Variants in MARCHF1 observed in about 807,000 individuals in gnomAD.
MARCHF1 encodes membrane associated ring-CH-type finger 1, also known as E3 ubiquitin-protein ligase MARCHF1.
In MARCHF1, 40 loss-of-function variants were observed where a neutral mutation model predicts 54.2. The observed-to-expected ratio is 0.74, with a 90% CI of 0.57 to 0.96. The LOEUF is 0.96. Ranked by LOEUF, MARCHF1 falls within the 40% of genes least tolerant of loss-of-function variation. MARCHF1 has a pLI of 0.00. For synonymous variants in MARCHF1, 236 were observed against 236.3 expected (o/e 1.00, Z 0.01); for missense variants, 586 against 656.5 (o/e 0.89, Z 1.17).
chr4:164,132,991 A>G (rs1756332723), intron 1 of MARCHF1, among the ~76,000 whole-genome samples: 1 of 152,162 alleles, frequency 6.6e-6, no homozygotes, highest in Non-Finnish European at 1.5e-5. Flanking sequence ...GTGAGATTCC[A>G]TTAGTCTTTA....
Position 164,075,221 on chromosome 4 carries a change from T to C in MARCHF1, c.-248+36367A>G, listed in dbSNP as rs191886834. On this transcript the variant is annotated intron_variant, in intron 2 of 9. Transcript: ENST00000514618. The stretch of plus-strand genomic sequence containing the variant: ...GAACTGACAAGATAGTAAGAAATTA[T>C]TGAGCTTCATTTAATTGGAAAAATA... 8.9e-4 allele frequency among the ~76,000 whole-genome samples: 135 copies of C among 152,348 alleles called. 3 individuals carry two copies. The highest frequency in any genetic ancestry group is 6.5e-4 in the Non-Finnish European group (44 of 68,024).
At chr4:164,267,716 AT>A (rs1733644699) in intron 1 of MARCHF1, among the ~76,000 whole-genome samples, 1 of 152,212 alleles carries the variant, frequency 6.6e-6, no homozygotes, top group South Asian at 2.1e-4. Flanking sequence ...TGATTTTGAG[AT>A]TCTCACATAA....
At chr4:163,748,862 A>G (rs1746436132) in intron 4 of MARCHF1, among the ~76,000 whole-genome samples, 1 of 152,232 alleles carries the variant, frequency 6.6e-6, no homozygotes, top group Non-Finnish European at 1.5e-5. Context: ...AGACTAAAAT[A>G]ACAAATACAT....
Position 163,613,026 on chromosome 4 carries a change from C to A in MARCHF1, c.255G>T (p.Leu85Phe). The stretch of plus-strand genomic sequence containing the variant: ...CAAATGACTCTTCTGACATGTCATG[C>A]AAGATGGCAGATCTAGACAGAGCAG... Reference protein sequence around the residue: ...STQDICRSAILHDMSEESFEY... With the variant: ...STQDICRSAIFHDMSEESFEY... The change falls in exon 7 of 10, where the codon TTG (leucine) becomes TTT (phenylalanine). Residue 85 changes from leucine (L) to phenylalanine (F), a missense_variant. Leu to Phe is a conservative substitution (Grantham distance 22). This residue lies in a region of MARCHF1 where 387 missense variants were observed against 394.6 expected (regional missense o/e 0.98). Coordinates refer to ENST00000514618, the MANE Select transcript of MARCHF1 (RefSeq NM_001394959.1). 6.7e-7 allele frequency: 1 copy of A among 1,503,096 alleles called. No homozygotes were observed. The allele number at this position is 1,503,096 out of a possible 1,614,324, so 93.1% of individuals were successfully genotyped here.
chr4:164,250,057 T>C (rs1033414001), intron 1 of MARCHF1, among the ~76,000 whole-genome samples: 13 of 152,032 alleles, frequency 8.6e-5, no homozygotes, highest in African/African-American at 3.1e-4. Flanking sequence ...GCACAGATAG[T>C]AGCAGGTCTA....
intron 4 of MARCHF1, among the ~76,000 whole-genome samples, chr4:163,813,202 GT>G (rs942402029): frequency 6.6e-6 from 1 of 152,190 alleles, no homozygotes; most frequent in African/African-American, 2.4e-5. Flanking sequence ...AAGAACCAGA[GT>G]GGAAAATAAC....
chr4:164,126,782 C>CGCAGT (rs1034318372), intron 1 of MARCHF1, among the ~76,000 whole-genome samples: 4 of 152,130 alleles, frequency 2.6e-5, no homozygotes, highest in African/African-American at 4.8e-5. Context: ...ATGAGGACTG[C>CGCAGT]GCAGTGGCTC....
At chr4:164,267,685 G>A (rs1733643964) in intron 1 of MARCHF1, among the ~76,000 whole-genome samples, 2 of 152,250 alleles carry the variant, frequency 1.3e-5, no homozygotes, top group African/African-American at 2.4e-5. Context: ...AACAAAGCCA[G>A]GGTCATACAA....
intron 3 of MARCHF1, among the ~76,000 whole-genome samples, chr4:163,916,560 C>T (rs957468065): frequency 1.4e-5 from 2 of 143,318 alleles, no homozygotes; most frequent in African/African-American, 5.5e-5. Flanking sequence ...CTGGTGATCT[C>T]GTGAGTCACT....
chr4:164,016,782 G>T (rs2110957016), intron 2 of MARCHF1, among the ~76,000 whole-genome samples: 1 of 152,080 alleles, frequency 6.6e-6, no homozygotes, highest in South Asian at 2.1e-4. Context: ...ATAATTTATT[G>T]TATATTTCAA....
At chr4:164,338,930 C>T (rs1207875518) in intron 1 of MARCHF1, among the ~76,000 whole-genome samples, 1 of 151,966 alleles carries the variant, frequency 6.6e-6, no homozygotes, top group Non-Finnish European at 1.5e-5. Flanking sequence ...CAAGATCGCA[C>T]CATTGCACTA....
intron 2 of MARCHF1, among the ~76,000 whole-genome samples, chr4:164,071,847 C>A (rs1444528031): frequency 6.6e-6 from 1 of 152,152 alleles, no homozygotes; most frequent in East Asian, 1.9e-4. Flanking sequence ...CACCATGGCA[C>A]ATATATGAAA....
chr4:163,582,254 T>C lies in MARCHF1; in HGVS notation c.1191+3495A>G, dbSNP rs534424098. Among the ~76,000 whole-genome samples, 9 of 152,328 alleles carry C rather than the reference T, an allele frequency of 5.9e-5. No individual in the cohort carries two copies. The South Asian group carries it at 1.9e-3, about 32-fold the overall frequency. On this transcript the variant is annotated intron_variant, in intron 8 of 9. Transcript: ENST00000514618. ...CCTCAGAATTATTTCTGACCTTGGT[T>C]AACTTAGCAGATTAATGAGACTTTT...
chr4:164,285,624 A>G (rs1734126059), intron 1 of MARCHF1, among the ~76,000 whole-genome samples: 1 of 151,658 alleles, frequency 6.6e-6, no homozygotes, highest in African/African-American at 2.4e-5. Context: ...TTGTATTTTT[A>G]GTAGAGACGG....
chr4:163,776,354 TTCTCTC>T (rs1020255122), intron 4 of MARCHF1, among the ~76,000 whole-genome samples: 4 of 151,158 alleles, frequency 2.6e-5, no homozygotes, highest in Non-Finnish European at 5.9e-5. Context: ...CTCTGTCTCT[TTCTCTC>T]TATATATAAT....
chr4:163,740,523 G>C (rs1746165715), intron 4 of MARCHF1, among the ~76,000 whole-genome samples: 1 of 152,174 alleles, frequency 6.6e-6, no homozygotes, highest in Admixed American at 6.5e-5. Context: ...TACAGGGCCA[G>C]GTGATGTCTA....
rs1055105923 is a variant in MARCHF1, at chr4:163,578,675, G to T, written c.1191+7074C>A. Among the ~76,000 whole-genome samples the T allele has an allele frequency of 9.9e-5, 15 of 152,074 alleles. No homozygotes were observed. In the South Asian group the frequency reaches 1.2e-3, roughly 13 times the overall value. ...TTTTGTATATCTTTAGATATGAATT[G>T]TCTTACAAAGACCAAGCACATGATG... On this transcript the variant is annotated intron_variant, in intron 8 of 9. Coordinates refer to ENST00000514618, the MANE Select transcript of MARCHF1 (RefSeq NM_001394959.1).
chr4:164,189,619 G>C (rs79327385), intron 1 of MARCHF1: 115,044 of 911,408 alleles, frequency 0.13, 9,514 homozygotes, highest in African/African-American at 0.28. Flanking sequence ...TGACCTGGTA[G>C]TGCTTGATGT....
intron 5 of MARCHF1, among the ~76,000 whole-genome samples, chr4:163,679,646 T>C (rs1346205116): frequency 6.6e-6 from 1 of 150,720 alleles, no homozygotes; most frequent in African/African-American, 2.4e-5. Flanking sequence ...GGAGTCTCGC[T>C]CTGTTGCCCA....
Sources: gnomAD v4.1 joint callset for allele counts (sites outside exome capture counted in the v4.1 genomes callset) on GRCh38, gnomAD v4.1.1 for gene constraint, gnomAD v4.1.1 regional missense constraint, MANE v1.5 for transcripts, NCBI Gene and HGNC (gene_info 2026-07-23, HGNC 2026-07-21) for gene names.